Variants in GPC6 observed in about 807,000 individuals in gnomAD.
GPC6 encodes glypican 6.
Under a neutral mutation model 55.2 loss-of-function variants are expected in GPC6, and 14 were observed. The ratio of observed to expected loss-of-function variants is 0.25; its 90% CI spans 0.17 to 0.40. The LOEUF (loss-of-function observed/expected upper bound fraction) is 0.40. Ranked by LOEUF, GPC6 falls within the 10% of genes least tolerant of loss-of-function variation. The probability of loss-of-function intolerance (pLI) is 1.00; values close to 1 mark genes in which losing one functional copy is unlikely to be tolerated. For synonymous variants in GPC6, 278 were observed against 259.6 expected (o/e 1.07, Z -0.68); for missense variants, 641 against 708.5 (o/e 0.90, Z 1.08).
chr13:93,998,684 T>C (rs549666033), intron 3 of GPC6, among the ~76,000 whole-genome samples: 233 of 152,184 alleles, frequency 1.5e-3, no homozygotes, highest in Non-Finnish European at 2.7e-3. Context: ...CTCTAACTTA[T>C]AAGATTTTTA....
At chr13:93,217,684 A>G in the GPC6 span, among the ~76,000 whole-genome samples, 1 of 152,216 alleles carries the variant, frequency 6.6e-6, no homozygotes, top group Non-Finnish European at 1.5e-5. Context: ...GGGTTTGAAA[A>G]TCAGTTATCT....
intron 2 of GPC6, among the ~76,000 whole-genome samples, chr13:93,698,691 G>T (rs1439892415): frequency 2.0e-5 from 3 of 151,566 alleles, no homozygotes; most frequent in Non-Finnish European, 2.9e-5. Context: ...CCCATCTTCT[G>T]GGAGAAATCC....
At chr13:93,708,290 AAT>A (rs1205139609) in intron 2 of GPC6, among the ~76,000 whole-genome samples, 1 of 151,740 alleles carries the variant, frequency 6.6e-6, no homozygotes, top group Non-Finnish European at 1.5e-5. Flanking sequence ...CTTTCTTTTA[AAT>A]TTTCAATGTA....
At chr13:94,162,361 G>A (rs1166105097) in intron 4 of GPC6, among the ~76,000 whole-genome samples, 1 of 152,196 alleles carries the variant, frequency 6.6e-6, no homozygotes, top group Non-Finnish European at 1.5e-5. Flanking sequence ...ATGTCCAGCA[G>A]GAAACACAGT....
intron 1 of GPC6, among the ~76,000 whole-genome samples, chr13:93,511,261 G>A (rs1880960848): frequency 6.6e-6 from 1 of 151,046 alleles, no homozygotes. Flanking sequence ...TAAGTTCTTT[G>A]TCTAGAACAA....
chr13:93,394,385 T>G (rs969589112), intron 1 of GPC6, among the ~76,000 whole-genome samples: 3 of 152,208 alleles, frequency 2.0e-5, no homozygotes, highest in African/African-American at 7.2e-5. Flanking sequence ...TAAATGCTGA[T>G]TGAAGGAACT....
intron 2 of GPC6, among the ~76,000 whole-genome samples, chr13:93,569,226 A>G (rs1048784532): frequency 6.6e-6 from 1 of 152,176 alleles, no homozygotes; most frequent in Non-Finnish European, 1.5e-5. Context: ...CTGTGGGATC[A>G]TTAATGGACT....
intron 4 of GPC6, among the ~76,000 whole-genome samples, chr13:94,206,571 G>A (rs549404199): frequency 6.6e-6 from 1 of 152,196 alleles, no homozygotes; most frequent in African/African-American, 2.4e-5. Flanking sequence ...TAGCAAATAA[G>A]AGCCAGGCAC....
intron 4 of GPC6, among the ~76,000 whole-genome samples, chr13:94,079,404 A>G (rs9589897): frequency 0.18 from 27,543 of 152,054 alleles, 2,620 homozygotes; most frequent in South Asian, 0.25. Flanking sequence ...TGTGAGATAA[A>G]TATAAAGACA....
In GPC6 at chr13:93,572,216, T is replaced by C. The variant is rs573072820; in HGVS notation, c.319+26795T>C. On this transcript the variant is annotated intron_variant, in intron 2 of 8. Coordinates refer to ENST00000377047, the MANE Select transcript of GPC6 (RefSeq NM_005708.5). ...CTTTGAGCAGTCTTCTGTGTGCTAC[T>C]AAAGGATATAGGTTGGGAGTTTATG... Among the ~76,000 whole-genome samples the C allele has an allele frequency of 2.0e-5, 3 of 152,322 alleles. No individual in the cohort carries two copies. In the South Asian group the frequency reaches 6.2e-4, roughly 32 times the overall value.
At position 93,982,955 on chromosome 13, in the gene GPC6, A is replaced by G. The variant is rs529439735; in HGVS notation, c.712-44774A>G. 2.5e-4 allele frequency among the ~76,000 whole-genome samples: 38 copies of G among 152,334 alleles called. 1 individual carries two copies. The highest frequency in any genetic ancestry group is 8.9e-4 in the African/African-American group (37 of 41,580). The stretch of plus-strand genomic sequence containing the variant: ...ACTGAAGTCTAAAGAGATCTGTGTC[A>G]GCTCTAGGTGCTCTCTTTTGATGGG... On this transcript the variant is annotated intron_variant, in intron 3 of 8. Transcript: ENST00000377047.
chr13:93,231,413 A>G (rs1191405889), intron 1 of GPC6, among the ~76,000 whole-genome samples: 5 of 45,838 alleles, frequency 1.1e-4, no homozygotes, highest in African/African-American at 4.2e-4. Flanking sequence ...ATATATATAT[A>G]TATATATATA....
At chr13:93,429,708 C>A (rs537495660) in intron 1 of GPC6, among the ~76,000 whole-genome samples, 1 of 152,052 alleles carries the variant, frequency 6.6e-6, no homozygotes, top group Non-Finnish European at 1.5e-5. Context: ...TAGTTGAATT[C>A]GCAGTATTAT....
At chr13:93,725,305 A>G (rs1883595365) in intron 2 of GPC6, among the ~76,000 whole-genome samples, 1 of 151,992 alleles carries the variant, frequency 6.6e-6, no homozygotes, top group Non-Finnish European at 1.5e-5. Context: ...TCTTTATCTC[A>G]TGCTCTTAGT....
At chr13:93,541,936 T>A (rs1882322675) in intron 1 of GPC6, among the ~76,000 whole-genome samples, 1 of 152,168 alleles carries the variant, frequency 6.6e-6, no homozygotes, top group African/African-American at 2.4e-5. Flanking sequence ...CTTTGTCAGA[T>A]GAGTAGGTTG....
chr13:93,510,351 C>T (rs1384016880), intron 1 of GPC6, among the ~76,000 whole-genome samples: 2 of 152,082 alleles, frequency 1.3e-5, no homozygotes, highest in Admixed American at 6.6e-5. Flanking sequence ...TGTTATCTAT[C>T]TTTCCACTCT....
intron 1 of GPC6, among the ~76,000 whole-genome samples, chr13:93,535,171 T>C (rs1236705314): frequency 1.3e-5 from 2 of 152,196 alleles, no homozygotes; most frequent in Non-Finnish European, 2.9e-5. Flanking sequence ...TCTAATTATA[T>C]ATTAGACATA....
rs531773481 is a variant in GPC6, at chr13:93,283,579, T to C, written c.160+55963T>C. 1.4e-3 allele frequency among the ~76,000 whole-genome samples: 214 copies of C among 152,286 alleles called. 1 individual carries two copies. The highest frequency in any genetic ancestry group is 4.4e-3 in the African/African-American group (182 of 41,564). ...AATGGTGGCATGCCAATTTTCATTATTGGCAAAGAACAAAACACCCAAAAG... is the reference window on the plus strand; with the variant it reads ...AATGGTGGCATGCCAATTTTCATTACTGGCAAAGAACAAAACACCCAAAAG... On this transcript the variant is annotated intron_variant, in intron 1 of 8. Transcript: ENST00000377047.
intron 3 of GPC6, among the ~76,000 whole-genome samples, chr13:94,009,353 C>T (rs936073053): frequency 6.6e-6 from 1 of 152,104 alleles, no homozygotes; most frequent in Non-Finnish European, 1.5e-5. Flanking sequence ...TAGTAGCAGA[C>T]CTGCTTGCAA....
Sources: allele counts gnomAD v4.1 joint callset (sites outside exome capture counted in the v4.1 genomes callset), GRCh38; gene constraint gnomAD v4.1.1; transcripts MANE v1.5; gene names NCBI Gene and HGNC (gene_info 2026-07-23, HGNC 2026-07-21).